The following CHKA variants were observed in gnomAD, a reference collection of about 807,000 sequenced individuals.
CHKA encodes choline kinase alpha.
CHKA carries 34 observed loss-of-function variants against 60.1 expected under a neutral mutation model. The observed-to-expected ratio is 0.57, with a 90% CI of 0.43 to 0.75. The LOEUF is 0.75. Ranked by LOEUF, CHKA falls within the 30% of genes least tolerant of loss-of-function variation. The probability of loss-of-function intolerance (pLI) is 0.00; values close to 1 mark genes in which losing one functional copy is unlikely to be tolerated. For missense variants in CHKA, 563 were observed against 561.3 expected, an observed-to-expected ratio of 1.00 and a Z score of -0.03; for synonymous variants, 217 against 223.1, an observed-to-expected ratio of 0.97 and a Z score of 0.24.
rs539161138 is a variant in CHKA, at chr11:68,059,263, A to AT, written c.1314+2689dup. 4.1e-3 allele frequency among the ~76,000 whole-genome samples: 627 copies of AT among 151,726 alleles called. 5 individuals are homozygous for AT. Among genetic ancestry groups the AT allele is most frequent in the African/African-American group, 0.014 (582 of 41,370 alleles). On this transcript the variant is annotated intron_variant, in intron 11 of 11. Coordinates refer to ENST00000265689, the MANE Select transcript of CHKA (RefSeq NM_001277.3). ...TCCCCTCTAGTCCTAGTTTGCTGAGATTTTTTTTTATCACATTGGATCTTG... is the reference window on the plus strand; with the variant it reads ...TCCCCTCTAGTCCTAGTTTGCTGAGATTTTTTTTTTATCACATTGGATCTTG...
intron 7 of CHKA, among the ~76,000 whole-genome samples, chr11:68,068,322 G>C (rs968697115): frequency 2.0e-5 from 3 of 151,960 alleles, no homozygotes; most frequent in African/African-American, 7.3e-5. Flanking sequence ...TTACTGTAAG[G>C]AGTTAAACAC....
chr11:68,070,065 G>T (rs1351142723), intron 6 of CHKA, 124 bp downstream of exon 6: 7 of 754,728 alleles, frequency 9.3e-6, no homozygotes, highest in African/African-American at 1.8e-5. Context: ...AAAACTTATG[G>T]TTTAAATTCA....
At position 68,054,302 on chromosome 11, in the gene CHKA, CTGCCT is replaced by C. The variant is rs1555002281; in HGVS notation, c.1315-260_1315-256del. Among the ~76,000 whole-genome samples the C allele has an allele frequency of 3.3e-5, 5 of 152,236 alleles. 1 individual carries two copies. Among genetic ancestry groups the C allele is most frequent in the Non-Finnish European group, 7.3e-5 (5 of 68,040 alleles). On this transcript the variant is annotated intron_variant, in intron 11 of 11. Coordinates refer to ENST00000265689, the MANE Select transcript of CHKA (RefSeq NM_001277.3). ...TTTATAGGCATGGGCCAGCCCAGCC[CTGCCT>C]CTCAGGATGAACGTCTCATCCACAT...
intron 1 of CHKA, among the ~76,000 whole-genome samples, chr11:68,118,146 C>G (rs1029695303): frequency 6.6e-6 from 1 of 152,100 alleles, no homozygotes; most frequent in Non-Finnish European, 1.5e-5. Flanking sequence ...CACGGAGCTC[C>G]AGAAACGGAT....
Position 68,120,851 on chromosome 11 carries a change from G to C in CHKA, c.327C>G (p.Asp109Glu), listed in dbSNP as rs1319494303. ...LPGAWRGLREDEFHISVIRGG... is the reference protein window; with the variant it reads ...LPGAWRGLREEEFHISVIRGG... Reference sequence around the variant, plus strand: ...ACCTGATGACACTGATGTGGAACTCGTCCTCGCGGAGGCCCCGCCAGGCGC... The same window carrying C: ...ACCTGATGACACTGATGTGGAACTCCTCCTCGCGGAGGCCCCGCCAGGCGC... The change falls in exon 1 of 12, where the codon GAC becomes GAG. Residue 109 changes from aspartate to glutamate, a missense_variant. By Grantham distance (45) the Asp-to-Glu change is conservative. Transcript: ENST00000265689. 4 of 1,334,790 alleles carry C rather than the reference G, an allele frequency of 3.0e-6. No homozygotes were observed. Among genetic ancestry groups the C allele is most frequent in the Non-Finnish European group, 3.9e-6 (4 of 1,026,482 alleles). 82.7% of individuals were successfully genotyped at this position (1,334,790 alleles called of 1,614,324 possible).
intron 1 of CHKA, among the ~76,000 whole-genome samples, chr11:68,099,529 C>T (rs1275311204): frequency 6.6e-6 from 1 of 152,166 alleles, no homozygotes; most frequent in Admixed American, 6.5e-5. Flanking sequence ...TTAAAAAGAA[C>T]AAAAATAAAA....
In CHKA at chr11:68,053,744, G is replaced by T. The variant is rs1855889011; in HGVS notation, c.*244C>A. 6.9e-6 allele frequency: 3 copies of T among 436,444 alleles called. No individual in the cohort carries two copies. The highest frequency in any genetic ancestry group is 4.0e-5 in the African/African-American group (2 of 49,760). The allele number at this position is 436,444 out of a possible 1,614,324, so 27.0% of individuals were successfully genotyped here. A position where few individuals can be genotyped will look rare whatever the true frequency, so the allele number is the denominator to read the frequency against. ...CTCTAGATTAAAAGGATTCAGAGAT[G>T]TTGCACTATTGCACTATATTTCTGC... On this transcript the variant is annotated 3_prime_UTR_variant, in exon 12 of 12. Transcript: ENST00000265689.
chr11:68,083,055 G>A (rs1045729262), intron 2 of CHKA, among the ~76,000 whole-genome samples: 4 of 152,112 alleles, frequency 2.6e-5, no homozygotes, highest in African/African-American at 7.2e-5. Flanking sequence ...TCTGCTTTGC[G>A]GGTCGCCTCT....
intron 1 of CHKA, among the ~76,000 whole-genome samples, chr11:68,113,662 T>A (rs1357121642): frequency 6.6e-6 from 1 of 150,874 alleles, no homozygotes; most frequent in Non-Finnish European, 1.5e-5. Context: ...ACCACTGCGC[T>A]CCAGCCTGGG....
chr11:68,055,766 C>T (rs375624419), intron 11 of CHKA, among the ~76,000 whole-genome samples: 74 of 152,062 alleles, frequency 4.9e-4, no homozygotes, highest in African/African-American at 1.7e-3. Context: ...AGGCTGAGGC[C>T]GGGCGCGGTG....
At chr11:68,107,037 A>G (rs987827233) in intron 1 of CHKA, among the ~76,000 whole-genome samples, 1 of 152,154 alleles carries the variant, frequency 6.6e-6, no homozygotes, top group Admixed American at 6.6e-5. Context: ...GTGGATCACG[A>G]GATCAGGAGT....
chr11:68,057,424 A>G (rs548004165), intron 11 of CHKA, among the ~76,000 whole-genome samples: 15 of 152,080 alleles, frequency 9.9e-5, no homozygotes, highest in Admixed American at 7.9e-4. Context: ...AGTTCACACC[A>G]TTCTCCTGCC....
At chr11:68,088,651 T>A (rs1857261313) in intron 2 of CHKA, among the ~76,000 whole-genome samples, 1 of 152,166 alleles carries the variant, frequency 6.6e-6, no homozygotes, top group Admixed American at 6.5e-5. Context: ...CTTGGCAATA[T>A]GTTTTCTTCT....
intron 1 of CHKA, among the ~76,000 whole-genome samples, chr11:68,100,385 T>C (rs961935696): frequency 4.6e-5 from 7 of 150,898 alleles, no homozygotes; most frequent in East Asian, 1.9e-4. Flanking sequence ...AGGTCAGGAG[T>C]TCAAGACCAG....
rs1858617140 is a variant in CHKA at position 68,120,951 on chromosome 11, T to TGCGGCGGCGGGGGCTGGG, written c.209_226dup (p.Pro70_Pro75dup). The TGCGGCGGCGGGGGCTGGG allele has an allele frequency of 1.7e-6, 2 of 1,172,180 alleles. No individual in the cohort carries two copies. Among genetic ancestry groups the TGCGGCGGCGGGGGCTGGG allele is most frequent in the African/African-American group, 1.6e-5 (1 of 61,888 alleles). 72.6% of individuals were successfully genotyped at this position (1,172,180 alleles called of 1,614,324 possible). On this transcript the variant is annotated inframe_insertion, in exon 1 of 12. Coordinates refer to ENST00000265689, the MANE Select transcript of CHKA (RefSeq NM_001277.3). ...CTCCGGCTGCTCGTCTGCGGGCGGC[T>TGCGGCGGCGGGGGCTGGG]GCGGCGGCGGGGGCTGGGGCAGCGG...
intron 2 of CHKA, among the ~76,000 whole-genome samples, chr11:68,088,819 T>A (rs1005581314): frequency 6.6e-6 from 1 of 152,190 alleles, no homozygotes; most frequent in Non-Finnish European, 1.5e-5. Flanking sequence ...AGTGCTGGGA[T>A]TACAGGTGTG....
intron 2 of CHKA, among the ~76,000 whole-genome samples, chr11:68,086,762 C>T (rs1392669391): frequency 1.3e-5 from 2 of 152,156 alleles, no homozygotes; most frequent in Non-Finnish European, 2.9e-5. Flanking sequence ...CCAAGATGGG[C>T]GGATCACGAG....
At chr11:68,054,131 G>GC (rs1855907856) in intron 11 of CHKA, 84 bp from the exon 12 acceptor site, 3 of 1,212,400 alleles carry the variant, frequency 2.5e-6, no homozygotes, top group South Asian at 2.6e-5. Context: ...CCCACCCCAG[G>GC]CAAGAGCTGA....
intron 11 of CHKA, among the ~76,000 whole-genome samples, chr11:68,058,243 G>T (rs1856099020): frequency 6.6e-6 from 1 of 152,244 alleles, no homozygotes; most frequent in South Asian, 2.1e-4. Context: ...GTGCTTCAGA[G>T]AAGTCTTATA....
Sources: allele counts gnomAD v4.1 joint callset (sites outside exome capture counted in the v4.1 genomes callset), GRCh38; gene constraint gnomAD v4.1.1; transcripts MANE v1.5; gene names NCBI Gene and HGNC (gene_info 2026-07-23, HGNC 2026-07-21).